Variants in PANK4 observed in about 807,000 individuals in gnomAD.
The protein encoded by PANK4 is pantothenate kinase 4 (inactive).
PANK4 carries 40 observed loss-of-function variants against 87.9 expected under a neutral mutation model. The ratio of observed to expected loss-of-function variants is 0.46; its 90% CI spans 0.35 to 0.59. The LOEUF is 0.59. Among genes scored for constraint, PANK4 ranks in the 20% least tolerant of loss-of-function variants. PANK4 has a pLI of 0.00. For missense variants in PANK4, 926 were observed against 1,072.3 expected, an observed-to-expected ratio of 0.86 and a Z score of 1.90; for synonymous variants, 524 against 467.4, an observed-to-expected ratio of 1.12 and a Z score of -1.56.
At chr1:2,518,870 C>T (rs1158655853) in intron 7 of PANK4, among the ~76,000 whole-genome samples, 1 of 152,236 alleles carries the variant, frequency 6.6e-6, no homozygotes, top group African/African-American at 2.4e-5. Context: ...CGTGCCTCTG[C>T]GGGGGCAGGG....
chr1:2,518,246 C>A lies in PANK4; in HGVS notation c.1136G>T (p.Trp379Leu), dbSNP rs1643820389. ...AEQDNPNQYS[W>L]GENYAGSSGL... The stretch of plus-strand genomic sequence containing the variant: ...GGAGCTGCCTGCATAGTTCTCTCCC[C>A]AGCTGTACTGGTTAGGATCTGGAAA... Residue 379 changes from tryptophan to leucine, a missense_variant, in exon 9 of 19, where the codon TGG becomes TTG. Trp to Leu is a moderately conservative substitution (Grantham distance 61, BLOSUM62 -2). Coordinates refer to ENST00000378466, the MANE Select transcript of PANK4 (RefSeq NM_018216.4). 2 of 1,611,576 alleles carry A rather than the reference C, an allele frequency of 1.2e-6. No individual in the cohort carries two copies. The highest frequency in any genetic ancestry group is 1.7e-6 in the Non-Finnish European group (2 of 1,179,294).
rs966358882 is a variant in PANK4 at position 2,514,418 on chromosome 1, C to T, written c.1423G>A (p.Glu475Lys). The change falls in exon 11 of 19, where the codon GAG becomes AAG. Residue 475 changes from glutamate to lysine, a missense_variant. Transcript: ENST00000378466. ...ASQPDSVDAA[E>K]RAEKFRQKYW... ...TTCTGCCGGAACTTCTCCGCCCTCTCGGCTGCATCCACAGAGTCTGGCTGG... is the reference window on the plus strand; with the variant it reads ...TTCTGCCGGAACTTCTCCGCCCTCTTGGCTGCATCCACAGAGTCTGGCTGG... 33 of 1,612,088 alleles carry T rather than the reference C, an allele frequency of 2.0e-5. No individual in the cohort carries two copies. The highest frequency in any genetic ancestry group is 1.7e-4 in the Middle Eastern group (1 of 6,024).
chr1:2,518,669 C>T (rs557293231), intron 7 of PANK4, 72 bp from the exon 8 acceptor site: 18 of 1,281,968 alleles, frequency 1.4e-5, no homozygotes, highest in East Asian at 7.6e-5. Context: ...ACCAGCTCAA[C>T]GTGCGCGGGC....
chr1:2,519,805 G>A lies in PANK4; in HGVS notation c.849C>T (p.Asp283=), dbSNP rs767432937. The A allele has an allele frequency of 1.1e-5, 17 of 1,577,298 alleles. No individual in the cohort carries two copies. Among genetic ancestry groups the A allele is most frequent in the Non-Finnish European group, 1.4e-5 (16 of 1,163,140 alleles). Residue 283 remains aspartate (D), a synonymous_variant, in exon 6 of 19, where the codon GAC becomes GAT. Coordinates refer to ENST00000378466, the MANE Select transcript of PANK4 (RefSeq NM_018216.4). This position sits in a 1 kb window ranked among gnomAD's most constrained non-coding sequence, Gnocchi z 8.3. The part of the protein sequence containing the change: ...ASSFGKSATA[D]QEFSKEDMAK... ...GGCAGAGGCCGGGGTGAGCACCTTG[G>A]TCGGCGGTGGCCGACTTCCCGAAGC...
At position 2,520,225 on chromosome 1, in the gene PANK4, C is replaced by T. The variant is rs988916886; in HGVS notation, c.699+97G>A. 7 of 1,177,234 alleles carry T rather than the reference C, an allele frequency of 5.9e-6. No homozygotes were observed. Among genetic ancestry groups the T allele is most frequent in the East Asian group, 2.4e-5 (1 of 42,070 alleles). 72.9% of individuals were successfully genotyped at this position (1,177,234 alleles called of 1,614,324 possible). A position where few individuals can be genotyped will look rare whatever the true frequency, so the allele number is the denominator to read the frequency against. On this transcript the variant is annotated intron_variant, in intron 5 of 18. Transcript: ENST00000378466. The surrounding 1 kb of genome is among the most constrained non-coding windows in gnomAD (Gnocchi z 6.2). Reference sequence around the variant, plus strand: ...ACTGACGCGAGTCAGGAGGGAGGCCCGGAAGCAGCTTTTGCACCGCCCAGC... The same window carrying T: ...ACTGACGCGAGTCAGGAGGGAGGCCTGGAAGCAGCTTTTGCACCGCCCAGC...
Position 2,510,574 on chromosome 1 carries a change from G to A in PANK4, c.1938+104C>T, listed in dbSNP as rs779808652. The A allele has an allele frequency of 1.8e-5, 13 of 725,984 alleles. No homozygotes were observed. The highest frequency in any genetic ancestry group is 2.9e-5 in the Non-Finnish European group (12 of 410,096). The allele number at this position is 725,984 out of a possible 1,614,324, so 45.0% of individuals were successfully genotyped here. ...GCTGCTGCCTGCACCTACCTGCTGC[G>A]TCCGGAGGAGCCCCGACCACCGCCA... On this transcript the variant is annotated intron_variant, in intron 16 of 18. Transcript: ENST00000378466. The surrounding 1 kb of genome is among the most constrained non-coding windows in gnomAD (Gnocchi z 4.9).
rs1479004396 is a variant in PANK4 at position 2,509,027 on chromosome 1, C to T, written c.2142G>A (p.Arg714=). The T allele has an allele frequency of 6.2e-7, 1 of 1,602,958 alleles. No homozygotes were observed. Among genetic ancestry groups the T allele is most frequent in the Non-Finnish European group, 8.5e-7 (1 of 1,179,494 alleles). ...RLDKGLAALV[R]ERGADLVVIE... ...TGACCACCAGATCCGCGCCACGCTC[C>T]CGCACCAGTGCGGCCAGCCCCTTAT... is the stretch of plus-strand genomic sequence containing the variant. The change falls in exon 19 of 19, where the codon CGG becomes CGA. Residue 714 remains arginine (R), a synonymous_variant. Coordinates refer to ENST00000378466, the MANE Select transcript of PANK4 (RefSeq NM_018216.4). This position sits in a 1 kb window ranked among gnomAD's most constrained non-coding sequence, Gnocchi z 4.9.
Position 2,520,288 on chromosome 1 carries a change from G to C in PANK4, c.699+34C>G. On this transcript the variant is annotated intron_variant, in intron 5 of 18. Transcript: ENST00000378466. The surrounding 1 kb of genome is among the most constrained non-coding windows in gnomAD (Gnocchi z 6.2). ...GGGGAAGGAAGCAGACATCTCCGCA[G>C]ACCCCTGGAAGGTCTCTGGCAGCTG... The C allele has an allele frequency of 1.9e-6, 3 of 1,587,122 alleles. No individual in the cohort carries two copies. Among genetic ancestry groups the C allele is most frequent in the Non-Finnish European group, 1.7e-6 (2 of 1,156,518 alleles).
intron 1 of PANK4, among the ~76,000 whole-genome samples, chr1:2,524,528 C>G (rs1319226838): frequency 6.6e-6 from 1 of 152,200 alleles, no homozygotes; most frequent in Non-Finnish European, 1.5e-5. Context: ...AATACCAGCA[C>G]TAAACAGACC....
At chr1:2,522,790 G>A (rs1643886534) in intron 1 of PANK4, among the ~76,000 whole-genome samples, 3 of 152,148 alleles carry the variant, frequency 2.0e-5, no homozygotes, top group Non-Finnish European at 2.9e-5. Context: ...ACCGTATGGT[G>A]CTATAGTGAC....
chr1:2,513,869 T>C lies in PANK4; in HGVS notation c.1575+133A>G, dbSNP rs539039967. ...GGCTATTGTGGTGCCAGGGCTGGAG[T>C]TGGGGCCGCTACCAAACCTGCATGG... On this transcript the variant is annotated intron_variant, in intron 12 of 18. Coordinates refer to ENST00000378466, the MANE Select transcript of PANK4 (RefSeq NM_018216.4). The C allele has an allele frequency of 9.5e-6, 7 of 739,366 alleles. No individual in the cohort carries two copies. The Admixed American group carries it at 1.2e-4, about 13-fold the overall frequency. 45.8% of individuals were successfully genotyped at this position (739,366 alleles called of 1,614,324 possible).
Position 2,518,580 on chromosome 1 carries a change from C to T in PANK4, c.1053G>A (p.Leu351=), listed in dbSNP as rs1185593572. ...NFFSKGEVQA[L]FLRHEGYLGA... is the part of the protein sequence containing the mutation. ...CCAGGTAGCCTTCGTGCCTCAGAAA[C>T]AGCGCCTGCACTTCCCCCTGCCGTG... Residue 351 remains leucine, a synonymous_variant, in exon 8 of 19, where the codon CTG becomes CTA. Coordinates refer to ENST00000378466, the MANE Select transcript of PANK4 (RefSeq NM_018216.4). 2 of 1,570,730 alleles carry T rather than the reference C, an allele frequency of 1.3e-6. No individual in the cohort carries two copies. Among genetic ancestry groups the T allele is most frequent in the Non-Finnish European group, 1.7e-6 (2 of 1,157,902 alleles).
In PANK4 at chr1:2,509,815, G is replaced by A. The variant is rs1643628680; in HGVS notation, c.2108+47C>T. On this transcript the variant is annotated intron_variant, in intron 18 of 18. Coordinates refer to ENST00000378466, the MANE Select transcript of PANK4 (RefSeq NM_018216.4). This position sits in a 1 kb window ranked among gnomAD's most constrained non-coding sequence, Gnocchi z 4.9. ...CTGGGTGCAGGTGCACGGCACAGAG[G>A]GCACAGAGCCCAGGAGGGAGAGAAC... 4 of 1,546,586 alleles carry A rather than the reference G, an allele frequency of 2.6e-6. No individual in the cohort carries two copies. Among genetic ancestry groups the A allele is most frequent in the Non-Finnish European group, 3.6e-6 (4 of 1,124,114 alleles).
At chr1:2,516,833 C>T (rs1643790002) in intron 9 of PANK4, among the ~76,000 whole-genome samples, 1 of 152,278 alleles carries the variant, frequency 6.6e-6, no homozygotes, top group South Asian at 2.1e-4. Context: ...CAGGCTCCTT[C>T]TATCCTGACA....
In PANK4 at chr1:2,510,192, GTGCT is replaced by G; in HGVS notation, c.1939-39_1939-36del. The G allele has an allele frequency of 7.3e-7, 1 of 1,364,916 alleles. No homozygotes were observed. Among genetic ancestry groups the G allele is most frequent in the Non-Finnish European group, 1.0e-6 (1 of 972,116 alleles). The allele number at this position is 1,364,916 out of a possible 1,614,324, so 84.6% of individuals were successfully genotyped here. On this transcript the variant is annotated intron_variant, in intron 16 of 18. Coordinates refer to ENST00000378466, the MANE Select transcript of PANK4 (RefSeq NM_018216.4). This position sits in a 1 kb window ranked among gnomAD's most constrained non-coding sequence, Gnocchi z 4.9. ...GAGGGCCCAGGCTCTTTAGGAACCT[GTGCT>G]GGCCCAGCATGGAGCCTGCGTGCAC...
At chr1:2,523,112 G>T (rs182594934) in intron 1 of PANK4, among the ~76,000 whole-genome samples, 7 of 152,326 alleles carry the variant, frequency 4.6e-5, no homozygotes, top group African/African-American at 1.7e-4. Flanking sequence ...AATACTATAA[G>T]GATGTCTGAG....
Position 2,509,615 on chromosome 1 carries a change from C to G in PANK4, c.2108+247G>C, listed in dbSNP as rs533252525. Among the ~76,000 whole-genome samples, 42 of 152,326 alleles carry G rather than the reference C, an allele frequency of 2.8e-4. No homozygotes were observed. In the South Asian group the frequency reaches 6.4e-3, roughly 23 times the overall value. On this transcript the variant is annotated intron_variant, in intron 18 of 18. Transcript: ENST00000378466. The surrounding 1 kb of genome is among the most constrained non-coding windows in gnomAD (Gnocchi z 4.9). ...TGAGTGGCCACAGGGACATTGGCCCCTCTTGCCCCAAGTCCCCAAACCCAG... is the reference window on the plus strand; with the variant it reads ...TGAGTGGCCACAGGGACATTGGCCCGTCTTGCCCCAAGTCCCCAAACCCAG...
Position 2,520,499 on chromosome 1 carries a change from G to C in PANK4, c.607-85C>G. On this transcript the variant is annotated intron_variant, in intron 4 of 18. Transcript: ENST00000378466. This position sits in a 1 kb window ranked among gnomAD's most constrained non-coding sequence, Gnocchi z 6.2. ...GCCCCCCGCCCCATGTGCTGCGCTGGGGTGAACCCCGCCCCCACCCCAACC... is the reference window on the plus strand; with the variant it reads ...GCCCCCCGCCCCATGTGCTGCGCTGCGGTGAACCCCGCCCCCACCCCAACC... 1.6e-6 allele frequency: 2 copies of C among 1,238,564 alleles called. No individual in the cohort carries two copies. The highest frequency in any genetic ancestry group is 2.3e-6 in the Non-Finnish European group (2 of 876,970). The allele number at this position is 1,238,564 out of a possible 1,614,324, so 76.7% of individuals were successfully genotyped here. A position where few individuals can be genotyped will look rare whatever the true frequency, so the allele number is the denominator to read the frequency against.
chr1:2,519,876 C>T lies in PANK4; in HGVS notation c.778G>A (p.Gly260Ser). Residue 260 changes from glycine (G) to serine (S), a missense_variant, in exon 6 of 19, where the codon GGC becomes AGC. Transcript: ENST00000378466. The surrounding 1 kb of genome is among the most constrained non-coding windows in gnomAD (Gnocchi z 8.3). ...VDMLVRDVYG[G>S]AHQTLGLSGN... The stretch of plus-strand genomic sequence containing the variant: ...CTCAGCCCGAGAGTCTGGTGGGCGC[C>T]GCCGTAGACGTCCCGCACCAGCATG... The T allele has an allele frequency of 1.3e-6, 2 of 1,567,474 alleles. No homozygotes were observed. Among genetic ancestry groups the T allele is most frequent in the Non-Finnish European group, 1.7e-6 (2 of 1,156,536 alleles).
Sources: allele counts gnomAD v4.1 joint callset (sites outside exome capture counted in the v4.1 genomes callset), GRCh38; gene constraint gnomAD v4.1.1; non-coding constraint Gnocchi (gnomAD v3.1); transcripts MANE v1.5; gene names NCBI Gene and HGNC (gene_info 2026-07-23, HGNC 2026-07-21).